The following VPS53 variants were observed in gnomAD, a reference collection of about 807,000 sequenced individuals.
VPS53 encodes the protein VPS53 subunit of GARP complex, also known as vacuolar protein sorting-associated protein 53 homolog.
Under a neutral mutation model 107.0 loss-of-function variants are expected in VPS53, and 70 were observed. The observed-to-expected ratio is 0.65, with a 90% CI of 0.54 to 0.80. VPS53 has a LOEUF of 0.80. Ranked by LOEUF, VPS53 falls within the 30% of genes least tolerant of loss-of-function variation. The pLI is 0.00. For synonymous variants in VPS53, 409 were observed against 393.3 expected, an observed-to-expected ratio of 1.04 and a Z score of -0.47; for missense variants, 917 against 1,049.4, an observed-to-expected ratio of 0.87 and a Z score of 1.74.
intron 17 of VPS53, among the ~76,000 whole-genome samples, chr17:546,021 A>G (rs539727140): frequency 6.2e-4 from 94 of 152,224 alleles, no homozygotes; most frequent in Non-Finnish European, 1.1e-3. Context: ...GATAGATGGA[A>G]TAGAACTGAG....
chr17:643,048 GAAAT>G (rs1256034844), intron 7 of VPS53, among the ~76,000 whole-genome samples: 11 of 131,010 alleles, frequency 8.4e-5, no homozygotes, highest in Admixed American at 2.9e-4. Flanking sequence ...CTCATACTTG[GAAAT>G]CAAGGACAAC....
Position 605,710 on chromosome 17 carries a change from T to C in VPS53, c.1117-3814A>G, listed in dbSNP as rs1455481601. Among the ~76,000 whole-genome samples the C allele has an allele frequency of 6.0e-5, 8 of 133,890 alleles. No homozygotes were observed. The South Asian group carries it at 7.7e-4, about 13-fold the overall frequency. 87.8% of individuals were successfully genotyped at this position (133,890 alleles called of 152,430 possible). A position where few individuals can be genotyped will look rare whatever the true frequency, so the allele number is the denominator to read the frequency against. On this transcript the variant is annotated intron_variant, in intron 11 of 21. Coordinates refer to ENST00000437048, the MANE Select transcript of VPS53 (RefSeq NM_001128159.3). ...GAGGGGTGGCGGGAGTCCCATCATATTGGTGAGTCAGGGACGGAAACGAAG... is the reference window on the plus strand; with the variant it reads ...GAGGGGTGGCGGGAGTCCCATCATACTGGTGAGTCAGGGACGGAAACGAAG...
chr17:559,125 G>A (rs1306413398), intron 15 of VPS53, among the ~76,000 whole-genome samples: 7 of 152,034 alleles, frequency 4.6e-5, no homozygotes, highest in Admixed American at 3.9e-4. Context: ...ATAATGACAG[G>A]AGAAATGCTA....
chr17:646,111 T>C (rs12947245), intron 7 of VPS53, among the ~76,000 whole-genome samples: 3 of 88,524 alleles, frequency 3.4e-5, no homozygotes, highest in African/African-American at 1.2e-4. Context: ...AGACTGGCTC[T>C]TACACACATC....
At chr17:589,604 A>G (rs1175989979) in intron 12 of VPS53, among the ~76,000 whole-genome samples, 1 of 152,186 alleles carries the variant, frequency 6.6e-6, no homozygotes, top group African/African-American at 2.4e-5. Flanking sequence ...TTAGTTTGAC[A>G]TTATTTTAAA....
chr17:633,173 C>T (rs936443843), intron 7 of VPS53, among the ~76,000 whole-genome samples: 1 of 152,170 alleles, frequency 6.6e-6, no homozygotes, highest in Non-Finnish European at 1.5e-5. Context: ...CGATCAATCA[C>T]GCCCCGCAAT....
intron 4 of VPS53, among the ~76,000 whole-genome samples, chr17:696,396 G>A (rs1186803869): frequency 6.6e-6 from 1 of 152,078 alleles, no homozygotes; most frequent in Non-Finnish European, 1.5e-5. Flanking sequence ...TCCAAATCTG[G>A]GCAGCAGGAT....
chr17:560,304 C>A, intron 15 of VPS53, 122 bp downstream of exon 15: 1 of 1,294,306 alleles, frequency 7.7e-7, no homozygotes. Context: ...CTGTGGCAGG[C>A]CAACTGGTCT....
intron 7 of VPS53, among the ~76,000 whole-genome samples, chr17:632,060 C>T (rs967040003): frequency 6.6e-6 from 1 of 152,070 alleles, no homozygotes; most frequent in Non-Finnish European, 1.5e-5. Context: ...CCAGCCTGGG[C>T]AACATTAGAG....
chr17:691,787 AGAG>A (rs1186395258), intron 4 of VPS53, among the ~76,000 whole-genome samples: 1 of 152,194 alleles, frequency 6.6e-6, no homozygotes, highest in African/African-American at 2.4e-5. Flanking sequence ...CCAAATCACA[AGAG>A]GAGTGATGCT....
intron 15 of VPS53, among the ~76,000 whole-genome samples, chr17:555,184 G>A (rs552205247): frequency 4.6e-5 from 7 of 152,316 alleles, no homozygotes; most frequent in African/African-American, 1.2e-4. Flanking sequence ...TTCTGGCCCC[G>A]TCTTGCCACT....
intron 7 of VPS53, among the ~76,000 whole-genome samples, chr17:640,820 G>A (rs570951585): frequency 3.9e-5 from 6 of 152,092 alleles, no homozygotes; most frequent in South Asian, 2.1e-4. Context: ...AGAAGGATAC[G>A]CATATAAATG....
chr17:704,757 C>T (rs1973337245), intron 2 of VPS53, among the ~76,000 whole-genome samples: 2 of 152,130 alleles, frequency 1.3e-5, no homozygotes, highest in Admixed American at 6.5e-5. Context: ...CTTGAGTTTT[C>T]AGTAGTTTAA....
intron 2 of VPS53, among the ~76,000 whole-genome samples, chr17:707,792 C>T (rs141255199): frequency 0.016 from 2,316 of 148,238 alleles, 24 homozygotes; most frequent in Middle Eastern, 0.028. Context: ...TTCACAGTTA[C>T]TGTGATTGTG....
intron 7 of VPS53, among the ~76,000 whole-genome samples, chr17:652,659 G>A (rs914655107): frequency 3.3e-5 from 5 of 152,194 alleles, no homozygotes; most frequent in African/African-American, 7.2e-5. Flanking sequence ...GAGCTGCCTC[G>A]GCTAATGCTG....
chr17:669,746 G>T (rs1971859994), intron 4 of VPS53, among the ~76,000 whole-genome samples: 1 of 151,780 alleles, frequency 6.6e-6, no homozygotes, highest in African/African-American at 2.4e-5. Flanking sequence ...ACAAAAATTA[G>T]CTGGGTGTGG....
chr17:635,270 G>C (rs578152865), intron 7 of VPS53, among the ~76,000 whole-genome samples: 1 of 152,216 alleles, frequency 6.6e-6, no homozygotes, highest in South Asian at 2.1e-4. Flanking sequence ...AAATTTGTTT[G>C]AGTTATTTAT....
At chr17:714,473 C>T in intron 1 of VPS53, 150 bp downstream of exon 1, 1 of 686,056 alleles carries the variant, frequency 1.5e-6, no homozygotes, top group Non-Finnish European at 2.4e-6. Context: ...TCAGAAACCG[C>T]TTCTCACCCG....
intron 13 of VPS53, among the ~76,000 whole-genome samples, chr17:566,199 G>T (rs906434555): frequency 7.7e-6 from 1 of 129,340 alleles, no homozygotes; most frequent in African/African-American, 3.2e-5. Flanking sequence ...GCGAGACTCC[G>T]TCTCAAAAAA....
Sources: gnomAD v4.1 joint callset for allele counts (sites outside exome capture counted in the v4.1 genomes callset) on GRCh38, gnomAD v4.1.1 for gene constraint, MANE v1.5 for transcripts, NCBI Gene and HGNC (gene_info 2026-07-23, HGNC 2026-07-21) for gene names.